Variants in RBFOX3 observed in about 807,000 individuals in gnomAD.
RBFOX3 encodes RNA binding fox-1 homolog 3.
A neutral mutation model predicts 48.7 loss-of-function variants in RBFOX3; 17 were observed. The observed-to-expected ratio is 0.35, with a 90% CI of 0.24 to 0.52. The LOEUF is 0.52. RBFOX3 is among the 20% of genes least tolerant of loss of function. The pLI is 0.94. For missense variants in RBFOX3, 382 were observed against 497.5 expected (o/e 0.77, Z 2.21); for synonymous variants, 212 against 209.5 (o/e 1.01, Z -0.10).
chr17:79,608,516 A>C (rs2093889082), intron 1 of RBFOX3, among the ~76,000 whole-genome samples: 1 of 151,732 alleles, frequency 6.6e-6, no homozygotes, highest in African/African-American at 2.4e-5. Context: ...TGGACAACTC[A>C]CCCCAGAAAA....
intron 12 of RBFOX3, among the ~76,000 whole-genome samples, chr17:79,096,427 G>A (rs542681989): frequency 1.3e-5 from 2 of 152,278 alleles, no homozygotes; most frequent in Admixed American, 6.5e-5. Flanking sequence ...GCTGCTGGGC[G>A]GCCCATTAAC....
At chr17:79,218,044 T>G (rs987638867) in intron 4 of RBFOX3, among the ~76,000 whole-genome samples, 1 of 151,982 alleles carries the variant, frequency 6.6e-6, no homozygotes, top group Non-Finnish European at 1.5e-5. Context: ...GGACCCACTC[T>G]GGGAGCTGGG....
intron 2 of RBFOX3, among the ~76,000 whole-genome samples, chr17:79,466,726 G>A (rs1017013857): frequency 1.2e-4 from 19 of 152,198 alleles, no homozygotes; most frequent in Non-Finnish European, 5.9e-5. Context: ...GGCGGCAGGC[G>A]CCGTTGCCAG....
At chr17:79,406,999 C>T (rs968247287) in intron 2 of RBFOX3, among the ~76,000 whole-genome samples, 1 of 152,114 alleles carries the variant, frequency 6.6e-6, no homozygotes, top group African/African-American at 2.4e-5. Flanking sequence ...AACGTCCGTG[C>T]ATGCTTGTGT....
At chr17:79,259,695 T>C (rs777069415) in intron 3 of RBFOX3, among the ~76,000 whole-genome samples, 3 of 151,992 alleles carry the variant, frequency 2.0e-5, no homozygotes, top group Non-Finnish European at 4.4e-5. Flanking sequence ...TTGCTGAGCC[T>C]GGCAATCCTG....
intron 9 of RBFOX3, among the ~76,000 whole-genome samples, chr17:79,100,722 G>A (rs1234596376): frequency 6.6e-6 from 1 of 152,222 alleles, no homozygotes; most frequent in East Asian, 1.9e-4. Context: ...GCAGGAATGA[G>A]CGGAGGCCCC....
At chr17:79,178,648 G>A (rs1489447868) in intron 4 of RBFOX3, among the ~76,000 whole-genome samples, 1 of 152,150 alleles carries the variant, frequency 6.6e-6, no homozygotes, top group African/African-American at 2.4e-5. Context: ...ATGAAACTGG[G>A]GAAGAACCCA....
At chr17:79,232,663 C>T (rs1241205229) in intron 4 of RBFOX3, among the ~76,000 whole-genome samples, 1 of 152,070 alleles carries the variant, frequency 6.6e-6, no homozygotes, top group African/African-American at 2.4e-5. Context: ...AAATGTAAAA[C>T]CTGAAACTAT....
At chr17:79,560,775 C>A (rs1316647157) in intron 1 of RBFOX3, among the ~76,000 whole-genome samples, 3 of 152,230 alleles carry the variant, frequency 2.0e-5, no homozygotes, top group African/African-American at 7.2e-5. Context: ...GCGAGAGCTG[C>A]AGCTGCAGGT....
intron 2 of RBFOX3, among the ~76,000 whole-genome samples, chr17:79,460,617 G>A (rs1489397690): frequency 6.6e-6 from 1 of 152,248 alleles, no homozygotes; most frequent in African/African-American, 2.4e-5. Flanking sequence ...TCCTGCCACA[G>A]GATGTTGAGA....
intron 2 of RBFOX3, among the ~76,000 whole-genome samples, chr17:79,387,665 T>C (rs2060746236): frequency 6.6e-6 from 1 of 152,200 alleles, no homozygotes; most frequent in Non-Finnish European, 1.5e-5. Context: ...GCCATGTTGT[T>C]GGACTGGGGG....
chr17:79,461,374 T>C (rs145038084), intron 2 of RBFOX3, among the ~76,000 whole-genome samples: 144 of 152,332 alleles, frequency 9.5e-4, no homozygotes, highest in Middle Eastern at 3.4e-3. Context: ...CACCCAAGTC[T>C]TCCATTCTCC....
intron 2 of RBFOX3, among the ~76,000 whole-genome samples, chr17:79,440,246 A>T (rs1381892050): frequency 6.6e-6 from 1 of 152,242 alleles, no homozygotes; most frequent in Non-Finnish European, 1.5e-5. Flanking sequence ...TGAGCTGCAG[A>T]GACAGCGCTG....
chr17:79,147,831 C>T (rs1188011652), intron 4 of RBFOX3, among the ~76,000 whole-genome samples: 1 of 152,236 alleles, frequency 6.6e-6, no homozygotes, highest in Non-Finnish European at 1.5e-5. Context: ...CAAGCGCCTT[C>T]GATCCAGCCT....
At chr17:79,664,546 C>T in the RBFOX3 span, among the ~76,000 whole-genome samples, 1 of 152,134 alleles carries the variant, frequency 6.6e-6, no homozygotes, top group Non-Finnish European at 1.5e-5. Context: ...TGGGGTTTCA[C>T]TATGTTGGCC....
chr17:79,097,505 C>T (rs1023761013), intron 10 of RBFOX3, 81 bp from the exon 11 acceptor site: 2 of 1,435,888 alleles, frequency 1.4e-6, no homozygotes, highest in East Asian at 2.7e-5. Flanking sequence ...ACCTAGCCCC[C>T]CCGCGCACCT....
chr17:79,245,356 G>A (rs192522500), intron 3 of RBFOX3, among the ~76,000 whole-genome samples: 4 of 152,136 alleles, frequency 2.6e-5, no homozygotes, highest in African/African-American at 4.8e-5. Context: ...GAGAAAGACC[G>A]TTCAGACCAA....
chr17:79,168,787 G>A (rs1201771613), intron 4 of RBFOX3, among the ~76,000 whole-genome samples: 2 of 152,210 alleles, frequency 1.3e-5, no homozygotes, highest in Admixed American at 6.5e-5. Context: ...TGGCCCATTT[G>A]CTGGTTCATC....
chr17:79,403,288 TG>T (rs1356593574), intron 2 of RBFOX3, among the ~76,000 whole-genome samples: 1 of 152,140 alleles, frequency 6.6e-6, no homozygotes, highest in Non-Finnish European at 1.5e-5. Flanking sequence ...GGCCCTTGGC[TG>T]GCAAGGCCCA....
Sources: gnomAD v4.1 joint callset for allele counts (sites outside exome capture counted in the v4.1 genomes callset) on GRCh38, gnomAD v4.1.1 for gene constraint, MANE v1.5 for transcripts, NCBI Gene and HGNC (gene_info 2026-07-23, HGNC 2026-07-21) for gene names.